P3H2: variants seen among roughly 807,000 people sequenced by gnomAD.
The protein encoded by P3H2 is prolyl 3-hydroxylase 2, also known as leprecan-like 1.
A neutral mutation model predicts 87.0 loss-of-function variants in P3H2; 80 were observed. The observed-to-expected ratio is 0.92, with a 90% CI of 0.77 to 1.11. P3H2 has a LOEUF of 1.11. P3H2 is among the 50% of genes least tolerant of loss of function. The pLI is 0.00. For synonymous variants in P3H2, 367 were observed against 359.3 expected (o/e 1.02, Z -0.24); for missense variants, 1,001 against 923.9 (o/e 1.08, Z -1.08).
In P3H2 at chr3:189,970,780, C is replaced by A. The variant is rs3732920; in HGVS notation, c.1893+36G>T. On this transcript the variant is annotated intron_variant, in intron 13 of 14. Coordinates refer to ENST00000319332, the MANE Select transcript of P3H2 (RefSeq NM_018192.4). The stretch of plus-strand genomic sequence containing the variant: ...GAAAAATGGCAATACTGAGCTAAAA[C>A]ATACTAAATAAGTATTCAAGAATAG... 0.48 allele frequency: 601,217 copies of A among 1,259,510 alleles called. 144,880 individuals carry two copies. Among genetic ancestry groups the A allele is most frequent in the Middle Eastern group, 0.49 (2,183 of 4,422 alleles). The allele number at this position is 1,259,510 out of a possible 1,614,324, so 78.0% of individuals were successfully genotyped here.
rs1358055436 is a variant in P3H2 at position 189,956,841 on chromosome 3, T to C, written c.*1071A>G. The C allele has an allele frequency of 3.0e-6, 1 of 332,826 alleles. No individual in the cohort carries two copies. The highest frequency in any genetic ancestry group is 5.4e-6 in the Non-Finnish European group (1 of 185,502). The allele number at this position is 332,826 out of a possible 1,614,324, so 20.6% of individuals were successfully genotyped here. On this transcript the variant is annotated 3_prime_UTR_variant, in exon 15 of 15. Coordinates refer to ENST00000319332, the MANE Select transcript of P3H2 (RefSeq NM_018192.4). ...ATAAGCAGATGACGGTTAAAATCAA[T>C]CAGAAATTTATTTTTCTTATGTAAG...
At chr3:189,967,403 T>C (rs1723035756) in intron 13 of P3H2, among the ~76,000 whole-genome samples, 1 of 149,040 alleles carries the variant, frequency 6.7e-6, no homozygotes, top group Non-Finnish European at 1.5e-5. Context: ...ATTCAAAAAT[T>C]AATGAAACAG....
intron 1 of P3H2, among the ~76,000 whole-genome samples, chr3:190,019,697 G>A (rs758363419): frequency 7.0e-5 from 9 of 128,138 alleles, no homozygotes; most frequent in Non-Finnish European, 1.4e-4. Flanking sequence ...TATAATAATA[G>A]CAATGATGAT....
At chr3:190,008,567 T>C (rs978775056) in intron 1 of P3H2, among the ~76,000 whole-genome samples, 19 of 152,156 alleles carry the variant, frequency 1.2e-4, no homozygotes, top group African/African-American at 4.6e-4. Flanking sequence ...GTATATACTG[T>C]GGGTTTACAT....
At position 190,113,576 on chromosome 3, in the gene P3H2, A is replaced by T. The variant is rs562255749; in HGVS notation, c.480+6676T>A. Among the ~76,000 whole-genome samples, 3 of 152,338 alleles carry T rather than the reference A, an allele frequency of 2.0e-5. 1 individual carries two copies. Among genetic ancestry groups the T allele is most frequent in the African/African-American group, 7.2e-5 (3 of 41,588 alleles). ...AATAGTCATTATATCAAATCCAGCA[A>T]GTCTTCATTTAGGTGAACCTATCCA... On this transcript the variant is annotated intron_variant, in intron 1 of 14. Transcript: ENST00000319332.
At chr3:190,100,244 C>G (rs1364373133) in intron 1 of P3H2, among the ~76,000 whole-genome samples, 5 of 91,842 alleles carry the variant, frequency 5.4e-5, no homozygotes, top group Non-Finnish European at 8.1e-5. Flanking sequence ...CCCCGCCCCC[C>G]CCGCCGCCCC....
intron 1 of P3H2, among the ~76,000 whole-genome samples, chr3:190,090,188 C>G (rs1437188849): frequency 6.6e-6 from 1 of 152,134 alleles, no homozygotes; most frequent in African/African-American, 2.4e-5. Context: ...ATGGCTACAT[C>G]CCCAAATAGA....
intron 1 of P3H2, among the ~76,000 whole-genome samples, chr3:190,037,263 C>CAGAGAGTGT (rs1725454852): frequency 6.6e-6 from 1 of 151,848 alleles, no homozygotes; most frequent in Non-Finnish European, 1.5e-5. Context: ...ACACTGCCTT[C>CAGAGAGTGT]CCTAAAAGGA....
At chr3:190,050,315 T>A (rs1447938) in intron 1 of P3H2, among the ~76,000 whole-genome samples, 124,416 of 152,200 alleles carry the variant, frequency 0.82, 51,047 homozygotes, top group East Asian at 0.88. Context: ...AATAGCTTTT[T>A]AGATATTTGA....
At chr3:190,105,823 A>C (rs1247003956) in intron 1 of P3H2, among the ~76,000 whole-genome samples, 1 of 152,186 alleles carries the variant, frequency 6.6e-6, no homozygotes, top group Non-Finnish European at 1.5e-5. Context: ...CCCTAGTCCA[A>C]ATGCAAACCC....
chr3:190,007,965 C>CACACACACATATAT, intron 1 of P3H2, among the ~76,000 whole-genome samples: 20 of 94,348 alleles, frequency 2.1e-4, no homozygotes, highest in Admixed American at 1.3e-3. Flanking sequence ...TGTTGACACA[C>CACACACACATATAT]ATATATATAT....
intron 1 of P3H2, among the ~76,000 whole-genome samples, chr3:190,120,008 C>G (rs1712473316): frequency 6.6e-6 from 1 of 152,226 alleles, no homozygotes; most frequent in Non-Finnish European, 1.5e-5. Flanking sequence ...ATCACCTTAT[C>G]AGGACAGTCC....
intron 1 of P3H2, among the ~76,000 whole-genome samples, chr3:190,035,872 T>C (rs1198071604): frequency 6.6e-6 from 1 of 152,142 alleles, no homozygotes; most frequent in Admixed American, 6.6e-5. Context: ...TTAGCAGTAA[T>C]ATTTGGAGTG....
chr3:190,021,009 A>G (rs1169892015), intron 1 of P3H2, among the ~76,000 whole-genome samples: 1 of 134,618 alleles, frequency 7.4e-6, no homozygotes, highest in Non-Finnish European at 1.7e-5. Flanking sequence ...AATGTTTTCA[A>G]AGTCACTTGG....
At chr3:189,990,052 A>G (rs1293785918) in intron 3 of P3H2, among the ~76,000 whole-genome samples, 2 of 147,064 alleles carry the variant, frequency 1.4e-5, no homozygotes, top group Non-Finnish European at 3.0e-5. Context: ...AATTTAATTT[A>G]CCACAACTGC....
chr3:189,977,110 T>C (rs1265327364), intron 8 of P3H2, among the ~76,000 whole-genome samples: 2 of 152,192 alleles, frequency 1.3e-5, no homozygotes, highest in Non-Finnish European at 2.9e-5. Context: ...GCAGAGACTT[T>C]ACGATGGGCT....
At position 189,994,253 on chromosome 3, in the gene P3H2, C is replaced by T; in HGVS notation, c.664G>A (p.Glu222Lys). The T allele has an allele frequency of 6.2e-7, 1 of 1,613,434 alleles. No homozygotes were observed. Among genetic ancestry groups the T allele is most frequent in the Non-Finnish European group, 8.5e-7 (1 of 1,179,706 alleles). ...ESYNAGVKHY[E>K]ADDFEMAIRH... ...ATAGCCATCTCAAAGTCATCAGCCTCATAATGTTTAACTCCTGCATTGTAA... is the reference window on the plus strand; with the variant it reads ...ATAGCCATCTCAAAGTCATCAGCCTTATAATGTTTAACTCCTGCATTGTAA... Residue 222 changes from glutamate to lysine, a missense_variant, in exon 3 of 15, where the codon GAG (glutamate) becomes AAG (lysine). Coordinates refer to ENST00000319332, the MANE Select transcript of P3H2 (RefSeq NM_018192.4).
chr3:189,995,474 G>C, intron 1 of P3H2, 32 bp from the exon 2 acceptor site: 1 of 1,603,162 alleles, frequency 6.2e-7, no homozygotes, highest in Non-Finnish European at 8.5e-7. Flanking sequence ...CAAAATGAAG[G>C]CAAATATTTC....
intron 1 of P3H2, among the ~76,000 whole-genome samples, chr3:190,074,330 C>T (rs568410866): frequency 2.0e-5 from 3 of 151,946 alleles, no homozygotes; most frequent in Admixed American, 1.3e-4. Flanking sequence ...GCCAACATGA[C>T]GAAACCTGGT....
Sources: allele counts gnomAD v4.1 joint callset (sites outside exome capture counted in the v4.1 genomes callset), GRCh38; gene constraint gnomAD v4.1.1; transcripts MANE v1.5; gene names NCBI Gene and HGNC (gene_info 2026-07-23, HGNC 2026-07-21).